TSHZ2: variants seen among roughly 807,000 people sequenced by gnomAD.
TSHZ2 encodes teashirt homolog 2.
TSHZ2 carries 21 observed loss-of-function variants against 74.4 expected under a neutral mutation model. The observed-to-expected ratio is 0.28, with a 90% CI of 0.20 to 0.41. The LOEUF is 0.41. Ranked by LOEUF, TSHZ2 falls within the 10% of genes least tolerant of loss-of-function variation. The pLI is 1.00. For missense variants in TSHZ2, 1,244 were observed against 1,293.5 expected, an observed-to-expected ratio of 0.96 and a Z score of 0.59; for synonymous variants, 540 against 515.3, an observed-to-expected ratio of 1.05 and a Z score of -0.65.
intron 1 of TSHZ2, among the ~76,000 whole-genome samples, chr20:53,091,892 A>G (rs1027449966): frequency 2.0e-5 from 3 of 152,148 alleles, no homozygotes; most frequent in Non-Finnish European, 2.9e-5. Flanking sequence ...AAAAATAAAA[A>G]TAAATTAGCT....
intron 1 of TSHZ2, among the ~76,000 whole-genome samples, chr20:53,025,387 G>T (rs192755935): frequency 3.3e-5 from 5 of 152,190 alleles, no homozygotes; most frequent in African/African-American, 1.2e-4. Context: ...CATTTAAATG[G>T]CTGTACTAGC....
At chr20:53,061,761 G>A (rs1376169137) in intron 1 of TSHZ2, among the ~76,000 whole-genome samples, 2 of 152,236 alleles carry the variant, frequency 1.3e-5, no homozygotes, top group East Asian at 1.9e-4. Flanking sequence ...CTTTGGATTT[G>A]GCACTAGAAA....
At chr20:53,450,882 A>C (rs1350144443) in intron 2 of TSHZ2, among the ~76,000 whole-genome samples, 2 of 147,882 alleles carry the variant, frequency 1.4e-5, no homozygotes, top group Non-Finnish European at 3.0e-5. Flanking sequence ...AAAAGGTGCC[A>C]AGTAGTGGCT....
intron 2 of TSHZ2, among the ~76,000 whole-genome samples, chr20:53,279,300 T>C (rs1991010213): frequency 6.6e-6 from 1 of 152,238 alleles, no homozygotes; most frequent in Non-Finnish European, 1.5e-5. Flanking sequence ...AAAGCAATGA[T>C]AGATTATATC....
chr20:53,174,031 C>A (rs907458220), intron 1 of TSHZ2, among the ~76,000 whole-genome samples: 3 of 152,104 alleles, frequency 2.0e-5, no homozygotes, highest in Admixed American at 1.3e-4. Context: ...TGGCCCTGAC[C>A]ACAGGGAAAT....
chr20:53,205,149 A>T (rs1445334881), intron 1 of TSHZ2, among the ~76,000 whole-genome samples: 1 of 152,052 alleles, frequency 6.6e-6, no homozygotes. Context: ...CACGTGAGCG[A>T]TTCAATTCTG....
intron 1 of TSHZ2, among the ~76,000 whole-genome samples, chr20:53,102,436 G>C (rs1986243339): frequency 6.6e-6 from 1 of 151,430 alleles, no homozygotes; most frequent in Non-Finnish European, 1.5e-5. Flanking sequence ...GGAAAGAAAA[G>C]GAGAGGAGGT....
intron 2 of TSHZ2, among the ~76,000 whole-genome samples, chr20:53,391,281 G>A (rs1348154899): frequency 6.6e-6 from 1 of 152,004 alleles, no homozygotes; most frequent in Non-Finnish European, 1.5e-5. Flanking sequence ...CGAGTAGCTG[G>A]GACTACAGGC....
intron 1 of TSHZ2, among the ~76,000 whole-genome samples, chr20:53,004,674 C>T (rs1215872263): frequency 6.6e-6 from 1 of 152,134 alleles, no homozygotes; most frequent in Non-Finnish European, 1.5e-5. Flanking sequence ...CCTAGGTGCA[C>T]ACAAAAGAAA....
intron 1 of TSHZ2, among the ~76,000 whole-genome samples, chr20:53,250,517 C>T (rs1990301250): frequency 1.3e-5 from 2 of 152,072 alleles, no homozygotes; most frequent in Non-Finnish European, 1.5e-5. Context: ...GAACCCTCAG[C>T]CATTGTTAAA....
Position 53,215,514 on chromosome 20 carries a change from G to A in TSHZ2, c.41-37985G>A, listed in dbSNP as rs938230713. On this transcript the variant is annotated intron_variant, in intron 1 of 2. Transcript: ENST00000371497. ...CTACAGTCAGAGTTCCATCATGGAGGCATCCTAGATTTTTTTTTTGCCTTT... is the reference window on the plus strand; with the variant it reads ...CTACAGTCAGAGTTCCATCATGGAGACATCCTAGATTTTTTTTTTGCCTTT... Among the ~76,000 whole-genome samples the A allele has an allele frequency of 2.0e-5, 3 of 150,332 alleles. No individual in the cohort carries two copies. The South Asian group carries it at 6.4e-4, about 32-fold the overall frequency.
At chr20:53,164,027 C>T (rs1035398077) in intron 1 of TSHZ2, among the ~76,000 whole-genome samples, 1 of 151,992 alleles carries the variant, frequency 6.6e-6, no homozygotes, top group Admixed American at 6.6e-5. Context: ...AGTATTTATA[C>T]TTATTTATTG....
At chr20:53,192,853 C>T (rs1988771679) in intron 1 of TSHZ2, among the ~76,000 whole-genome samples, 1 of 152,130 alleles carries the variant, frequency 6.6e-6, no homozygotes, top group Non-Finnish European at 1.5e-5. Context: ...TGGCTGGATC[C>T]TGTTGAGAAA....
At chr20:53,204,011 A>G (rs1254496098) in intron 1 of TSHZ2, among the ~76,000 whole-genome samples, 2 of 150,080 alleles carry the variant, frequency 1.3e-5, no homozygotes, top group Non-Finnish European at 3.0e-5. Flanking sequence ...TATCTCCTTC[A>G]TTTTTATAAT....
At chr20:53,290,043 T>TA (rs1206681895) in intron 2 of TSHZ2, among the ~76,000 whole-genome samples, 1 of 152,244 alleles carries the variant, frequency 6.6e-6, no homozygotes, top group Non-Finnish European at 1.5e-5. Flanking sequence ...TGTCAATATT[T>TA]AAAATCAGAG....
rs138673857 is a variant in TSHZ2, at chr20:53,429,119, A to G, written c.*9-58025A>G. ...TTCTTAGAACTAAGTGATACAAGAA[A>G]TAACCCACTGCCTCCGATTTGACTT... On this transcript the variant is annotated intron_variant, in intron 2 of 2. Coordinates refer to ENST00000371497, the MANE Select transcript of TSHZ2 (RefSeq NM_173485.6). Among the ~76,000 whole-genome samples the G allele has an allele frequency of 8.9e-4, 136 of 152,364 alleles. 1 individual carries two copies. The highest frequency in any genetic ancestry group is 3.1e-3 in the African/African-American group (129 of 41,588).
chr20:53,085,586 C>T (rs1315213590), intron 1 of TSHZ2, among the ~76,000 whole-genome samples: 2 of 152,132 alleles, frequency 1.3e-5, no homozygotes, highest in Non-Finnish European at 1.5e-5. Context: ...TGCCAGGCCC[C>T]TTGTCAATTA....
chr20:53,046,652 AAAC>A (rs1005797974), intron 1 of TSHZ2, among the ~76,000 whole-genome samples: 2 of 152,116 alleles, frequency 1.3e-5, no homozygotes, highest in African/African-American at 4.8e-5. Context: ...AAACAAAACA[AAAC>A]AAAACCCTGG....
chr20:53,361,909 GTTGTTGTTTTGTGTTTTT>G (rs1305333163), intron 2 of TSHZ2, among the ~76,000 whole-genome samples: 1 of 103,168 alleles, frequency 9.7e-6, no homozygotes, highest in Non-Finnish European at 1.9e-5. Flanking sequence ...TTGTGTTGTT[GTTGTTGTTTTGTGTTTTT>G]TTTTTTTCTG....
Sources: allele counts gnomAD v4.1 joint callset (sites outside exome capture counted in the v4.1 genomes callset), GRCh38; gene constraint gnomAD v4.1.1; transcripts MANE v1.5; gene names NCBI Gene and HGNC (gene_info 2026-07-23, HGNC 2026-07-21).